The following MAF variants were observed in gnomAD, a reference collection of about 807,000 sequenced individuals.
The protein encoded by MAF is transcription factor Maf.
Under a neutral mutation model 22.0 loss-of-function variants are expected in MAF, and 10 were observed. That is an observed-to-expected ratio of 0.45 (90% CI 0.28 to 0.77). MAF has a LOEUF of 0.77. MAF is among the 30% of genes least tolerant of loss of function. The pLI is 0.12. For synonymous variants in MAF, 337 were observed against 255.8 expected (o/e 1.32, Z -3.03); for missense variants, 544 against 548.4 (o/e 0.99, Z 0.08).
the MAF span, among the ~76,000 whole-genome samples, chr16:79,479,838 C>T: frequency 6.6e-6 from 1 of 152,132 alleles, no homozygotes; most frequent in African/African-American, 2.4e-5. Flanking sequence ...ACTGGTGGTT[C>T]AATAAATTGT....
chr16:79,471,163 A>G, the MAF span, among the ~76,000 whole-genome samples: 1 of 152,202 alleles, frequency 6.6e-6, no homozygotes, highest in Non-Finnish European at 1.5e-5. Flanking sequence ...GGAAGGAGGC[A>G]TACCTGCAGG....
chr16:79,445,195 G>A, the MAF span, among the ~76,000 whole-genome samples: 41 of 127,688 alleles, frequency 3.2e-4, no homozygotes, highest in African/African-American at 5.1e-4. Flanking sequence ...CACCATACCC[G>A]TCTAATTTTT....
At chr16:79,294,334 A>G in the MAF span, among the ~76,000 whole-genome samples, 2 of 152,172 alleles carry the variant, frequency 1.3e-5, no homozygotes, top group African/African-American at 2.4e-5. Flanking sequence ...GTTAGAGTTA[A>G]ACTGTCTATA....
At chr16:79,220,484 A>C in the MAF span, among the ~76,000 whole-genome samples, 103 of 152,208 alleles carry the variant, frequency 6.8e-4, no homozygotes, top group Non-Finnish European at 1.1e-3. Context: ...TTTCAAACTA[A>C]GTAAATTATT....
chr16:79,289,587 T>A, the MAF span, among the ~76,000 whole-genome samples: 2 of 152,084 alleles, frequency 1.3e-5, no homozygotes, highest in Non-Finnish European at 2.9e-5. Flanking sequence ...GATGAGTGTG[T>A]CATGGCTGTG....
the MAF span, among the ~76,000 whole-genome samples, chr16:79,384,996 G>C: frequency 6.6e-6 from 1 of 152,306 alleles, no homozygotes; most frequent in Non-Finnish European, 1.5e-5. Flanking sequence ...GGATTGCTGG[G>C]AACACACCTT....
the MAF span, among the ~76,000 whole-genome samples, chr16:79,282,067 C>T: frequency 1.8e-3 from 280 of 152,168 alleles, 3 homozygotes; most frequent in African/African-American, 6.2e-3. Flanking sequence ...CTATGGGAGG[C>T]CGAGGCTGTT....
At chr16:79,456,871 G>A in the MAF span, among the ~76,000 whole-genome samples, 1 of 151,984 alleles carries the variant, frequency 6.6e-6, no homozygotes, top group Admixed American at 6.6e-5. Context: ...AAACACATGT[G>A]GGTCCTTTGT....
the MAF span, among the ~76,000 whole-genome samples, chr16:79,423,169 T>C: frequency 3.9e-5 from 6 of 152,308 alleles, no homozygotes; most frequent in Non-Finnish European, 5.9e-5. Flanking sequence ...ATCCCAAATA[T>C]TGCATAGGAT....
chr16:79,311,170 C>G, the MAF span, among the ~76,000 whole-genome samples: 1 of 152,226 alleles, frequency 6.6e-6, no homozygotes, highest in Admixed American at 6.5e-5. Context: ...GCAGCCCTCT[C>G]TCTGGGCTCT....
chr16:79,415,999 T>C, the MAF span, among the ~76,000 whole-genome samples: 1 of 152,060 alleles, frequency 6.6e-6, no homozygotes, highest in Admixed American at 6.5e-5. Flanking sequence ...AGACCTTCCC[T>C]ACCTCCTTTT....
At chr16:79,426,375 T>C in the MAF span, among the ~76,000 whole-genome samples, 1 of 138,344 alleles carries the variant, frequency 7.2e-6, no homozygotes, top group Admixed American at 6.9e-5. Context: ...ATGAATTCTC[T>C]AACTGTTTCT....
chr16:79,493,627 G>C, the MAF span, among the ~76,000 whole-genome samples: 4 of 152,180 alleles, frequency 2.6e-5, no homozygotes, highest in African/African-American at 9.7e-5. Context: ...TTACATGGAA[G>C]TTTTCACAAA....
At chr16:79,409,426 G>A in the MAF span, among the ~76,000 whole-genome samples, 2 of 152,182 alleles carry the variant, frequency 1.3e-5, no homozygotes, top group African/African-American at 4.8e-5. Context: ...CTGTGTTTCT[G>A]AGCCTGCCAG....
At chr16:79,215,658 A>C in the MAF span, among the ~76,000 whole-genome samples, 1 of 152,172 alleles carries the variant, frequency 6.6e-6, no homozygotes, top group Non-Finnish European at 1.5e-5. Context: ...AGGGTAGCTG[A>C]GGATTCTCCC....
At chr16:79,374,370 C>A in the MAF span, among the ~76,000 whole-genome samples, 1 of 152,148 alleles carries the variant, frequency 6.6e-6, no homozygotes, top group Non-Finnish European at 1.5e-5. Flanking sequence ...GTAGAATTTT[C>A]CTCCCAACCT....
At chr16:79,403,065 G>A in the MAF span, among the ~76,000 whole-genome samples, 1 of 152,286 alleles carries the variant, frequency 6.6e-6, no homozygotes, top group South Asian at 2.1e-4. Context: ...GCTCTTTGAT[G>A]TGGCAGATGA....
the MAF span, among the ~76,000 whole-genome samples, chr16:79,543,480 G>A: frequency 7.9e-5 from 12 of 152,168 alleles, no homozygotes; most frequent in Admixed American, 6.5e-4. Flanking sequence ...ACAAATGTCT[G>A]GATGTTCTCA....
At chr16:79,492,968 T>G in the MAF span, among the ~76,000 whole-genome samples, 1 of 151,726 alleles carries the variant, frequency 6.6e-6, no homozygotes, top group Admixed American at 6.6e-5. Flanking sequence ...TCTTTTTCTT[T>G]TTTTTTTGGA....
Sources: allele counts gnomAD v4.1 joint callset (sites outside exome capture counted in the v4.1 genomes callset), GRCh38; gene constraint gnomAD v4.1.1; transcripts MANE v1.5; gene names NCBI Gene and HGNC (gene_info 2026-07-23, HGNC 2026-07-21).